Variants in MRPL13 observed in about 807,000 individuals in gnomAD.
The protein encoded by MRPL13 is large ribosomal subunit protein uL13m.
A neutral mutation model predicts 29.0 loss-of-function variants in MRPL13; 33 were observed. The observed-to-expected ratio is 1.14, with a 90% CI of 0.86 to 1.52. MRPL13 has a LOEUF of 1.52. Among genes scored for constraint, MRPL13 ranks in the 40% most tolerant of loss-of-function variants. MRPL13 has a pLI of 0.00. For missense variants in MRPL13, 227 were observed against 216.7 expected (o/e 1.05, Z -0.30); for synonymous variants, 77 against 68.4 (o/e 1.13, Z -0.62).
intron 6 of MRPL13, among the ~76,000 whole-genome samples, 179 bp from the exon 7 acceptor site, chr8:120,396,304 C>T (rs543658243): frequency 6.6e-6 from 1 of 151,668 alleles, no homozygotes; most frequent in Admixed American, 6.6e-5. Flanking sequence ...TAAAGTAGAA[C>T]AGTTAAGTGA....
At chr8:120,403,292 T>C (rs1244310137) in intron 6 of MRPL13, among the ~76,000 whole-genome samples, 2 of 152,172 alleles carry the variant, frequency 1.3e-5, no homozygotes, top group Admixed American at 6.6e-5. Flanking sequence ...ATATACACCA[T>C]GGAATACTAT....
At chr8:120,412,589 G>A (rs1247619751) in intron 6 of MRPL13, among the ~76,000 whole-genome samples, 3 of 152,162 alleles carry the variant, frequency 2.0e-5, no homozygotes, top group Admixed American at 2.0e-4. Context: ...CCTTGGTTTG[G>A]ATTTTTCTAA....
At chr8:120,428,449 C>T (rs558255901) in intron 3 of MRPL13, among the ~76,000 whole-genome samples, 5 of 152,170 alleles carry the variant, frequency 3.3e-5, no homozygotes, top group African/African-American at 1.2e-4. Context: ...GATTTCATGA[C>T]AAAGATGCAA....
chr8:120,428,097 C>T (rs1812952272), intron 3 of MRPL13, among the ~76,000 whole-genome samples: 1 of 143,268 alleles, frequency 7.0e-6, no homozygotes, highest in Non-Finnish European at 1.5e-5. Flanking sequence ...TACTACAGGG[C>T]TACAGTAACC....
chr8:120,408,315 T>A (rs557678891), intron 6 of MRPL13, among the ~76,000 whole-genome samples: 3 of 152,226 alleles, frequency 2.0e-5, no homozygotes, highest in Non-Finnish European at 2.9e-5. Context: ...TCAACTGCAC[T>A]TTTTTAGTCA....
At position 120,400,697 on chromosome 8, in the gene MRPL13, AAAATAAATAAATAAAT is replaced by A. The variant is rs199590776; in HGVS notation, c.516-4588_516-4573del. Among the ~76,000 whole-genome samples, 791 of 132,066 alleles carry A rather than the reference AAAATAAATAAATAAAT, an allele frequency of 6.0e-3. 8 individuals carry two copies. Among genetic ancestry groups the A allele is most frequent in the African/African-American group, 0.02 (676 of 34,204 alleles). The allele number at this position is 132,066 out of a possible 152,430, so 86.6% of individuals were successfully genotyped here. On this transcript the variant is annotated intron_variant, in intron 6 of 6. Transcript: ENST00000306185. Reference sequence around the variant, plus strand: ...ATGAATCCAGGAGCTGGTTTTTTGGAAAATAAATAAATAAATAAATAAATAAATAAATAAATAAATA... The same window carrying A: ...ATGAATCCAGGAGCTGGTTTTTTGGAAAATAAATAAATAAATAAATAAATA...
At chr8:120,414,959 T>G (rs1478947733) in intron 5 of MRPL13, 1 of 152,202 alleles carries the variant, frequency 6.6e-6, no homozygotes, top group East Asian at 1.9e-4. Flanking sequence ...GTTAAGTGGC[T>G]GTTTCAGTAA....
chr8:120,402,481 A>G (rs1812609596), intron 6 of MRPL13, among the ~76,000 whole-genome samples: 1 of 152,194 alleles, frequency 6.6e-6, no homozygotes, highest in African/African-American at 2.4e-5. Flanking sequence ...CCTTCCTTAC[A>G]CCTAATACAA....
At chr8:120,436,984 T>C (rs1343721195) in intron 2 of MRPL13, among the ~76,000 whole-genome samples, 2 of 152,162 alleles carry the variant, frequency 1.3e-5, no homozygotes, top group South Asian at 4.1e-4. Flanking sequence ...CTGCTGAATG[T>C]ATAGATACTG....
chr8:120,440,375 G>A (rs1813103700), intron 2 of MRPL13, among the ~76,000 whole-genome samples: 1 of 152,226 alleles, frequency 6.6e-6, no homozygotes. Flanking sequence ...GGGAGGCCAA[G>A]GTGGGTGGAT....
intron 6 of MRPL13, among the ~76,000 whole-genome samples, chr8:120,410,106 A>G: frequency 6.6e-6 from 1 of 152,238 alleles, no homozygotes; most frequent in East Asian, 1.9e-4. Flanking sequence ...TAATAAACTT[A>G]TATTTAACCA....
At chr8:120,413,713 T>A (rs997973638) in intron 6 of MRPL13, among the ~76,000 whole-genome samples, 7 of 152,192 alleles carry the variant, frequency 4.6e-5, no homozygotes, top group Non-Finnish European at 7.3e-5. Flanking sequence ...ACAATTCATA[T>A]ATCATTCCTA....
At chr8:120,411,651 C>T (rs1250773719) in intron 6 of MRPL13, among the ~76,000 whole-genome samples, 3 of 152,094 alleles carry the variant, frequency 2.0e-5, no homozygotes, top group Non-Finnish European at 4.4e-5. Context: ...TTAACATATG[C>T]GTGTGACTAT....
chr8:120,443,268 C>G lies in MRPL13; in HGVS notation c.68G>C (p.Gly23Ala), dbSNP rs779310705. 2.5e-6 allele frequency: 4 copies of G among 1,609,168 alleles called. No individual in the cohort carries two copies. Among genetic ancestry groups the G allele is most frequent in the Non-Finnish European group, 2.5e-6 (3 of 1,177,774 alleles). Residue 23 changes from glycine to alanine, a missense_variant, in exon 2 of 7, where the codon GGG becomes GCG. Transcript: ENST00000306185. ...AAGTTTGCCAGGTGGCTGCATTTTC[C>G]CATCTAAGAGATACCATATTCTAGC... is the stretch of plus-strand genomic sequence containing the variant. ...TFARIWYLLD[G>A]KMQPPGKLAA...
chr8:120,421,313 ATATT>A (rs1336841391), intron 4 of MRPL13, among the ~76,000 whole-genome samples: 2 of 151,666 alleles, frequency 1.3e-5, no homozygotes, highest in African/African-American at 4.9e-5. Flanking sequence ...CTAAATCGAT[ATATT>A]TATTTGAAAT....
At position 120,445,060 on chromosome 8, in the gene MRPL13, G is replaced by C; in HGVS notation, c.27+8C>G. On this transcript the variant is annotated splice_region_variant and intron_variant, in intron 1 of 6. Transcript: ENST00000306185. ...GAACCCCATCAAGCCATAAGAGTCC[G>C]AGCTCACCTGGGGCGCCCTAGAGAA... 1.9e-6 allele frequency: 3 copies of C among 1,613,904 alleles called. No individual in the cohort carries two copies. Among genetic ancestry groups the C allele is most frequent in the Non-Finnish European group, 1.7e-6 (2 of 1,179,926 alleles).
chr8:120,431,997 T>C, intron 3 of MRPL13, 33 bp downstream of exon 3: 1 of 1,406,140 alleles, frequency 7.1e-7, no homozygotes, highest in Non-Finnish European at 9.8e-7. Context: ...ATATTTTAAC[T>C]ACCTAATTTC....
At chr8:120,445,004 G>A in intron 1 of MRPL13, 64 bp downstream of exon 1, 1 of 1,609,080 alleles carries the variant, frequency 6.2e-7, no homozygotes, top group African/African-American at 1.3e-5. Context: ...TTAATCTGCC[G>A]GAACCAACGC....
At chr8:120,423,860 A>C (rs540815226) in intron 4 of MRPL13, among the ~76,000 whole-genome samples, 141 of 152,284 alleles carry the variant, frequency 9.3e-4, no homozygotes, top group African/African-American at 3.2e-3. Flanking sequence ...AAGAATGTTC[A>C]ATTGGAAGAG....
Sources: gnomAD v4.1 joint callset for allele counts (sites outside exome capture counted in the v4.1 genomes callset) on GRCh38, gnomAD v4.1.1 for gene constraint, MANE v1.5 for transcripts, NCBI Gene and HGNC (gene_info 2026-07-23, HGNC 2026-07-21) for gene names.